The following HS3ST4 variants were observed in gnomAD, a reference collection of about 807,000 sequenced individuals.
HS3ST4 encodes heparan sulfate glucosamine 3-O-sulfotransferase 4.
Under a neutral mutation model 29.2 loss-of-function variants are expected in HS3ST4, and 17 were observed. That is an observed-to-expected ratio of 0.58 (90% confidence interval 0.40 to 0.87). The LOEUF is 0.87. Ranked by LOEUF, HS3ST4 falls within the 40% of genes least tolerant of loss-of-function variation. The pLI, the probability that HS3ST4 is intolerant of heterozygous loss-of-function variation, is 0.00. For missense variants in HS3ST4, 627 were observed against 634.5 expected (o/e 0.99, Z 0.13); for synonymous variants, 314 against 285.7 (o/e 1.10, Z -1.00).
intron 1 of HS3ST4, among the ~76,000 whole-genome samples, chr16:25,841,786 G>A (rs1967415394): frequency 6.6e-6 from 1 of 152,082 alleles, no homozygotes; most frequent in African/African-American, 2.4e-5. Flanking sequence ...GTCTGTGGGT[G>A]GTGTGGAGAC....
At chr16:25,918,206 T>A (rs1968311998) in intron 1 of HS3ST4, among the ~76,000 whole-genome samples, 1 of 152,224 alleles carries the variant, frequency 6.6e-6, no homozygotes, top group African/African-American at 2.4e-5. Context: ...TAAAACAGTA[T>A]GCTGCCTCAT....
At chr16:25,774,222 G>C (rs1478937282) in intron 1 of HS3ST4, among the ~76,000 whole-genome samples, 1 of 152,182 alleles carries the variant, frequency 6.6e-6, no homozygotes, top group African/African-American at 2.4e-5. Flanking sequence ...TTAAATCAGG[G>C]TAAACAGCCA....
intron 1 of HS3ST4, among the ~76,000 whole-genome samples, chr16:26,116,813 C>G (rs768976149): frequency 3.3e-5 from 5 of 152,168 alleles, no homozygotes; most frequent in African/African-American, 7.2e-5. Flanking sequence ...ATCTGTAATG[C>G]TCCAAAATCT....
chr16:25,854,524 T>A (rs943136849), intron 1 of HS3ST4, among the ~76,000 whole-genome samples: 2 of 152,128 alleles, frequency 1.3e-5, no homozygotes, highest in Non-Finnish European at 1.5e-5. Flanking sequence ...TGTGCCGACC[T>A]CCTATCTCAT....
At chr16:25,922,073 A>G (rs575982329) in intron 1 of HS3ST4, among the ~76,000 whole-genome samples, 37 of 152,114 alleles carry the variant, frequency 2.4e-4, no homozygotes, top group Non-Finnish European at 4.3e-4. Context: ...GTTTTGACTC[A>G]CCCATGGCTA....
At chr16:26,097,338 C>CCT (rs1898937794) in intron 1 of HS3ST4, among the ~76,000 whole-genome samples, 1 of 152,190 alleles carries the variant, frequency 6.6e-6, no homozygotes, top group African/African-American at 2.4e-5. Context: ...AACTATACTA[C>CCT]AAGGCTACAG....
At chr16:25,983,771 G>A (rs1447259436) in intron 1 of HS3ST4, among the ~76,000 whole-genome samples, 2 of 152,192 alleles carry the variant, frequency 1.3e-5, no homozygotes, top group African/African-American at 4.8e-5. Flanking sequence ...ACCAGCCTGT[G>A]AGTCAGGTTT....
chr16:25,696,085 G>C (rs150183593), intron 1 of HS3ST4, among the ~76,000 whole-genome samples: 3 of 152,162 alleles, frequency 2.0e-5, no homozygotes, highest in African/African-American at 7.2e-5. Flanking sequence ...AGATTAGAAC[G>C]TGTGCATCAG....
At chr16:26,069,154 G>T (rs192483661) in intron 1 of HS3ST4, among the ~76,000 whole-genome samples, 16 of 152,262 alleles carry the variant, frequency 1.1e-4, no homozygotes, top group African/African-American at 3.6e-4. Flanking sequence ...GTTTCGCCAT[G>T]TTGCCCAGAC....
intron 1 of HS3ST4, among the ~76,000 whole-genome samples, chr16:25,848,956 T>G (rs1484892318): frequency 6.6e-6 from 1 of 152,182 alleles, no homozygotes; most frequent in Non-Finnish European, 1.5e-5. Flanking sequence ...AATTTAGATA[T>G]GTAGGGTTCC....
chr16:26,118,657 A>C (rs1043976679), intron 1 of HS3ST4, among the ~76,000 whole-genome samples: 5 of 152,208 alleles, frequency 3.3e-5, no homozygotes, highest in Non-Finnish European at 7.3e-5. Context: ...GCACAGGTCC[A>C]GACATTTAAT....
intron 1 of HS3ST4, among the ~76,000 whole-genome samples, chr16:26,048,874 A>G (rs1479862343): frequency 2.0e-5 from 3 of 152,088 alleles, no homozygotes; most frequent in Non-Finnish European, 2.9e-5. Flanking sequence ...CAAGAAAGTC[A>G]TTCTCTTTCC....
At chr16:26,007,405 T>A (rs190620838) in intron 1 of HS3ST4, among the ~76,000 whole-genome samples, 4 of 152,306 alleles carry the variant, frequency 2.6e-5, no homozygotes, top group African/African-American at 9.6e-5. Flanking sequence ...TGGATTCAGG[T>A]CTTGGCTGCA....
intron 1 of HS3ST4, among the ~76,000 whole-genome samples, chr16:25,993,891 G>A (rs1341378045): frequency 6.6e-6 from 1 of 151,466 alleles, no homozygotes; most frequent in Non-Finnish European, 1.5e-5. Flanking sequence ...AGTTCTTGGT[G>A]AGGGTCCATC....
chr16:25,878,405 TGA>T lies in HS3ST4; in HGVS notation c.734+185255_734+185256del, dbSNP rs745493889. On this transcript the variant is annotated intron_variant, in intron 1 of 1. Coordinates refer to ENST00000331351, the MANE Select transcript of HS3ST4 (RefSeq NM_006040.3). ...CACTTCTCTCATTACGTTTGTTTAA[TGA>T]TGCTCAGAAGTGCTAGTATCTATCA... is the stretch of plus-strand genomic sequence containing the variant. Among the ~76,000 whole-genome samples, 90 of 152,314 alleles carry T rather than the reference TGA, an allele frequency of 5.9e-4. 2 individuals carry two copies. The highest frequency in any genetic ancestry group is 4.6e-4 in the Admixed American group (7 of 15,294).
chr16:26,028,592 G>A (rs1969500910), intron 1 of HS3ST4, among the ~76,000 whole-genome samples: 4 of 152,180 alleles, frequency 2.6e-5, no homozygotes, highest in Admixed American at 2.6e-4. Context: ...TTCTTGATCA[G>A]CTTGCTGAGT....
At chr16:25,696,326 A>T (rs1489015499) in intron 1 of HS3ST4, among the ~76,000 whole-genome samples, 4 of 152,160 alleles carry the variant, frequency 2.6e-5, no homozygotes. Flanking sequence ...CTTCTAAGGG[A>T]TGGGACCTCG....
chr16:25,758,502 C>T (rs1311386597), intron 1 of HS3ST4, among the ~76,000 whole-genome samples: 1 of 152,120 alleles, frequency 6.6e-6, no homozygotes, highest in African/African-American at 2.4e-5. Context: ...CTGTCTGGGG[C>T]CTCAAGGATG....
chr16:25,759,903 A>AG lies in HS3ST4; in HGVS notation c.734+66753dup, dbSNP rs1259483565. The stretch of plus-strand genomic sequence containing the variant: ...AGACCCTGTCTTAAAAATAATAAAG[A>AG]GAAAAAAAAAGGAAATAGCCACAGA... On this transcript the variant is annotated intron_variant, in intron 1 of 1. Transcript: ENST00000331351. Among the ~76,000 whole-genome samples the AG allele has an allele frequency of 3.3e-5, 5 of 152,044 alleles. No individual in the cohort carries two copies. In the East Asian group the frequency reaches 9.6e-4, roughly 29 times the overall value.
Sources: gnomAD v4.1 joint callset for allele counts (sites outside exome capture counted in the v4.1 genomes callset) on GRCh38, gnomAD v4.1.1 for gene constraint, MANE v1.5 for transcripts, NCBI Gene and HGNC (gene_info 2026-07-23, HGNC 2026-07-21) for gene names.